The following UBE2E2 variants were observed in gnomAD, a reference collection of about 807,000 sequenced individuals.
UBE2E2 encodes the protein ubiquitin-conjugating enzyme E2 E2.
In UBE2E2, 6 loss-of-function variants were observed where a neutral mutation model predicts 24.7. The ratio of observed to expected loss-of-function variants is 0.24; its 90% CI spans 0.13 to 0.48. The LOEUF is 0.48. Among genes scored for constraint, UBE2E2 ranks in the 20% least tolerant of loss-of-function variants. The pLI is 0.99. For synonymous variants in UBE2E2, 104 were observed against 83.6 expected (o/e 1.24, Z -1.33); for missense variants, 169 against 245.0 (o/e 0.69, Z 2.07).
intron 4 of UBE2E2, among the ~76,000 whole-genome samples, chr3:23,527,413 A>G (rs1695024842): frequency 6.6e-6 from 1 of 152,174 alleles, no homozygotes; most frequent in Admixed American, 6.5e-5. Flanking sequence ...CAACCCTGCG[A>G]TATTGTGATT....
chr3:23,208,922 T>C (rs773032733), intron 2 of UBE2E2, 47 bp downstream of exon 2: 1 of 1,494,766 alleles, frequency 6.7e-7, no homozygotes, highest in East Asian at 2.4e-5. Context: ...CAATTTATCA[T>C]CTTAAGTTCT....
At chr3:23,438,409 G>C (rs895150848) in intron 3 of UBE2E2, among the ~76,000 whole-genome samples, 5 of 152,198 alleles carry the variant, frequency 3.3e-5, no homozygotes. Context: ...GGCAGAAATA[G>C]TACTCAAAAT....
intron 5 of UBE2E2, among the ~76,000 whole-genome samples, chr3:23,573,872 C>T (rs938138799): frequency 2.0e-5 from 3 of 151,992 alleles, no homozygotes; most frequent in African/African-American, 7.2e-5. Flanking sequence ...TGAATAGTAA[C>T]AAAAGGGTAA....
intron 5 of UBE2E2, among the ~76,000 whole-genome samples, chr3:23,547,344 T>C (rs1323407197): frequency 6.6e-6 from 1 of 152,246 alleles, no homozygotes; most frequent in Non-Finnish European, 1.5e-5. Context: ...TTTTCCACCA[T>C]TTAAAATACC....
At chr3:23,288,959 T>G (rs1575534337) in intron 3 of UBE2E2, among the ~76,000 whole-genome samples, 1 of 152,212 alleles carries the variant, frequency 6.6e-6, no homozygotes, top group African/African-American at 2.4e-5. Context: ...GCATTGGCAG[T>G]TCAAGACTGT....
intron 4 of UBE2E2, among the ~76,000 whole-genome samples, chr3:23,519,249 G>GTT (rs528694698): frequency 0.13 from 18,637 of 146,758 alleles, 1,215 homozygotes; most frequent in South Asian, 0.21. Flanking sequence ...CTTTACCAAG[G>GTT]TTTTTTTTTT....
chr3:23,517,183 C>T (rs1694762035), intron 4 of UBE2E2, among the ~76,000 whole-genome samples: 1 of 151,970 alleles, frequency 6.6e-6, no homozygotes, highest in South Asian at 2.1e-4. Flanking sequence ...GAAGTAGACA[C>T]AATGTAGTGA....
rs1575491350 is a variant in UBE2E2 at position 23,234,663 on chromosome 3, T to A, written c.227+17351T>A. Among the ~76,000 whole-genome samples the A allele has an allele frequency of 2.6e-5, 4 of 151,910 alleles. 1 individual carries two copies. In the South Asian group the frequency reaches 8.3e-4, roughly 32 times the overall value. On this transcript the variant is annotated intron_variant, in intron 3 of 5. Transcript: ENST00000396703. ...GTCTTTTGGAGGCTTGGGAAGGAGG[T>A]AGGGGGCAGTCTCTTGCTGTACTAA...
intron 5 of UBE2E2, among the ~76,000 whole-genome samples, chr3:23,587,516 C>A (rs1696654606): frequency 2.0e-5 from 3 of 152,184 alleles, no homozygotes; most frequent in Non-Finnish European, 2.9e-5. Flanking sequence ...TTTAATTAAA[C>A]ACCTATCTTG....
chr3:23,269,985 A>G lies in UBE2E2; in HGVS notation c.227+52673A>G, dbSNP rs1049132207. On this transcript the variant is annotated intron_variant, in intron 3 of 5. Coordinates refer to ENST00000396703, the MANE Select transcript of UBE2E2 (RefSeq NM_152653.4). ...AAATTCCTTGAAAATCTTGGTTTAG[A>G]GTCCCTTCTGTATAACTGTGCTGAC... is the stretch of plus-strand genomic sequence containing the variant. 3.3e-5 allele frequency among the ~76,000 whole-genome samples: 5 copies of G among 152,136 alleles called. No individual in the cohort carries two copies. In the South Asian group the frequency reaches 1.0e-3, roughly 32 times the overall value.
At chr3:23,564,982 C>G (rs957473477) in intron 5 of UBE2E2, among the ~76,000 whole-genome samples, 4 of 152,102 alleles carry the variant, frequency 2.6e-5, no homozygotes, top group Non-Finnish European at 1.5e-5. Context: ...AGACATTGTG[C>G]TAGGTACTTT....
chr3:23,375,108 ATAAAAG>A (rs1335776485), intron 3 of UBE2E2, among the ~76,000 whole-genome samples: 3 of 152,212 alleles, frequency 2.0e-5, no homozygotes, highest in African/African-American at 7.2e-5. Flanking sequence ...ATGTGGTGCT[ATAAAAG>A]GGTTGTTAGC....
intron 3 of UBE2E2, among the ~76,000 whole-genome samples, chr3:23,268,376 A>G (rs1698118661): frequency 6.6e-6 from 1 of 152,052 alleles, no homozygotes; most frequent in African/African-American, 2.4e-5. Flanking sequence ...TACAAAATCA[A>G]TGTACAAAAA....
rs766170158 is a variant in UBE2E2, at chr3:23,415,600, CAGTT to C, written c.228-84003_228-84000del. On this transcript the variant is annotated intron_variant, in intron 3 of 5. Coordinates refer to ENST00000396703, the MANE Select transcript of UBE2E2 (RefSeq NM_152653.4). The stretch of plus-strand genomic sequence containing the variant: ...CGTGGAGAAAAATGTTTGAAATCAG[CAGTT>C]AGTTTTTAAAGTAGATTACAGGTGA... 3.9e-5 allele frequency among the ~76,000 whole-genome samples: 6 copies of C among 152,012 alleles called. No individual in the cohort carries two copies. In the East Asian group the frequency reaches 7.7e-4, roughly 20 times the overall value.
intron 3 of UBE2E2, among the ~76,000 whole-genome samples, chr3:23,406,619 G>A (rs1697361809): frequency 6.6e-6 from 1 of 152,220 alleles, no homozygotes; most frequent in South Asian, 2.1e-4. Context: ...GAAAGATTTT[G>A]GTTAAAGAGA....
intron 3 of UBE2E2, among the ~76,000 whole-genome samples, chr3:23,386,114 T>C: frequency 6.6e-6 from 1 of 152,002 alleles, no homozygotes. Flanking sequence ...TCTTTAATAA[T>C]TGTAGAATGT....
intron 5 of UBE2E2, among the ~76,000 whole-genome samples, chr3:23,563,776 G>A (rs1026504314): frequency 3.9e-5 from 6 of 151,984 alleles, no homozygotes; most frequent in Non-Finnish European, 7.4e-5. Context: ...AAATTAAAAG[G>A]ATCATTTATT....
chr3:23,530,680 A>T (rs1396646529), intron 4 of UBE2E2, among the ~76,000 whole-genome samples: 1 of 152,176 alleles, frequency 6.6e-6, no homozygotes, highest in Non-Finnish European at 1.5e-5. Flanking sequence ...GTCATAAGGC[A>T]TATCTTTTCA....
rs543884332 is a variant in UBE2E2 at position 23,590,103 on chromosome 3, G to A, written c.*272G>A. 1 of 354,470 alleles carries A rather than the reference G, an allele frequency of 2.8e-6. No individual in the cohort carries two copies. The allele number at this position is 354,470 out of a possible 1,614,324, so 22.0% of individuals were successfully genotyped here. ...ATTTTTTCCCACCTCATCATAGATG[G>A]GAACTTTTGTTTTCAGTGCAAACAA... On this transcript the variant is annotated 3_prime_UTR_variant, in exon 6 of 6. Coordinates refer to ENST00000396703, the MANE Select transcript of UBE2E2 (RefSeq NM_152653.4).
Sources: gnomAD v4.1 joint callset for allele counts (sites outside exome capture counted in the v4.1 genomes callset) on GRCh38, gnomAD v4.1.1 for gene constraint, MANE v1.5 for transcripts, NCBI Gene and HGNC (gene_info 2026-07-23, HGNC 2026-07-21) for gene names.